The following GRID2 variants were observed in gnomAD, a reference collection of about 807,000 sequenced individuals.
GRID2 encodes glutamate ionotropic receptor delta type subunit 2, also known as glutamate receptor ionotropic, delta-2.
GRID2 carries 33 observed loss-of-function variants against 114.8 expected under a neutral mutation model. The ratio of observed to expected loss-of-function variants is 0.29; its 90% CI spans 0.22 to 0.38. The LOEUF is 0.38. Among genes scored for constraint, GRID2 ranks in the 10% least tolerant of loss-of-function variants. GRID2 has a pLI of 1.00. For missense variants in GRID2, 1,184 were observed against 1,257.7 expected (o/e 0.94, Z 0.89); for synonymous variants, 505 against 449.9 (o/e 1.12, Z -1.55).
At chr4:92,712,956 G>A (rs145171440) in intron 2 of GRID2, among the ~76,000 whole-genome samples, 1 of 151,398 alleles carries the variant, frequency 6.6e-6, no homozygotes, top group African/African-American at 2.4e-5. Context: ...AATTATTGAT[G>A]ATATTTTGGA....
chr4:92,705,709 A>G (rs925162293), intron 2 of GRID2, among the ~76,000 whole-genome samples: 2 of 152,158 alleles, frequency 1.3e-5, no homozygotes, highest in African/African-American at 2.4e-5. Flanking sequence ...TACATTTTCA[A>G]TCAGCTTATT....
At position 93,110,873 on chromosome 4, in the gene GRID2, G is replaced by T; in HGVS notation, c.655G>T (p.Glu219Ter). The change falls in exon 4 of 16, where the codon GAA becomes TAA. Residue 219 changes from glutamate (E) to a stop codon, truncating the protein, a stop_gained. Transcript: ENST00000282020. LOFTEE classifies it high-confidence loss of function. ...TCTCTTTGACACCATGAGAATAGAA[G>T]AACTGAATCGCTATCGAGACACTCT... is the stretch of plus-strand genomic sequence containing the variant. The part of the protein sequence containing the change: ...TTLFDTMRIE[E>*]LNRYRDTLRR... 6.2e-7 allele frequency: 1 copy of T among 1,612,334 alleles called. No individual in the cohort carries two copies. The highest frequency in any genetic ancestry group is 8.5e-7 in the Non-Finnish European group (1 of 1,178,356).
In GRID2 at chr4:92,670,665, A is replaced by AT. The variant is rs1733014774; in HGVS notation, c.244+80380dup. On this transcript the variant is annotated intron_variant, in intron 2 of 15. Transcript: ENST00000282020. ...TAAATGTTAAAACTACTAATTTAAT[A>AT]TGTAACATATGTAGAGCTACAAGGT... 2.6e-5 allele frequency among the ~76,000 whole-genome samples: 4 copies of AT among 152,250 alleles called. No individual in the cohort carries two copies. In the South Asian group the frequency reaches 8.3e-4, roughly 32 times the overall value.
At chr4:92,325,037 G>A (rs1034447699) in intron 1 of GRID2, among the ~76,000 whole-genome samples, 15 of 151,776 alleles carry the variant, frequency 9.9e-5, no homozygotes, top group African/African-American at 3.4e-4. Context: ...ATGCACAACT[G>A]AGCATGCTGT....
chr4:93,006,488 A>T (rs1325450711), intron 2 of GRID2, among the ~76,000 whole-genome samples: 1 of 152,046 alleles, frequency 6.6e-6, no homozygotes, highest in African/African-American at 2.4e-5. Flanking sequence ...CAGTCTTGGG[A>T]AGATATGGTT....
intron 14 of GRID2, among the ~76,000 whole-genome samples, chr4:93,723,104 G>T (rs1729534440): frequency 6.6e-6 from 1 of 152,150 alleles, no homozygotes; most frequent in South Asian, 2.1e-4. Context: ...ATTATTCAAA[G>T]ACCAAGCCAT....
chr4:92,775,391 C>T (rs145054490), intron 2 of GRID2, among the ~76,000 whole-genome samples: 2 of 152,142 alleles, frequency 1.3e-5, no homozygotes, highest in Admixed American at 6.5e-5. Context: ...GAAAAACCAT[C>T]AAGTGCAAGT....
At chr4:92,308,655 A>G (rs1368633061) in intron 1 of GRID2, among the ~76,000 whole-genome samples, 4 of 152,150 alleles carry the variant, frequency 2.6e-5, no homozygotes, top group African/African-American at 7.2e-5. Flanking sequence ...GTAAAATACC[A>G]GTTATTCTTA....
chr4:92,765,585 G>T (rs1442054659), intron 2 of GRID2, among the ~76,000 whole-genome samples: 1 of 152,070 alleles, frequency 6.6e-6, no homozygotes, highest in African/African-American at 2.4e-5. Context: ...CACTTTTTAG[G>T]TAGAGGTTTA....
In GRID2 at chr4:92,964,676, G is replaced by T. The variant is rs140481829; in HGVS notation, c.245-120319G>T. Among the ~76,000 whole-genome samples the T allele has an allele frequency of 1.1e-4, 16 of 152,132 alleles. 1 individual carries two copies. In the East Asian group the frequency reaches 3.1e-3, roughly 29 times the overall value. On this transcript the variant is annotated intron_variant, in intron 2 of 15. Coordinates refer to ENST00000282020, the MANE Select transcript of GRID2 (RefSeq NM_001510.4). ...TCCTCTTGTACTTTTACATTATGGA[G>T]AAGACTTTTCTCCTTAAGCCTCATG...
At chr4:93,282,172 T>C (rs1247411967) in intron 8 of GRID2, among the ~76,000 whole-genome samples, 1 of 151,974 alleles carries the variant, frequency 6.6e-6, no homozygotes, top group Non-Finnish European at 1.5e-5. Context: ...TTTAAACCAA[T>C]CTATAAGGGA....
intron 1 of GRID2, among the ~76,000 whole-genome samples, chr4:93,804,486 C>G (rs1413349335): frequency 6.6e-6 from 1 of 152,102 alleles, no homozygotes; most frequent in Non-Finnish European, 1.5e-5. Flanking sequence ...ATTTGCATAT[C>G]TACACATGTC....
chr4:92,811,151 T>C (rs1250070036), intron 2 of GRID2, among the ~76,000 whole-genome samples: 5 of 152,150 alleles, frequency 3.3e-5, no homozygotes, highest in Non-Finnish European at 7.4e-5. Flanking sequence ...AGGTACTTAA[T>C]CCAAAAATAT....
At chr4:93,228,653 A>T (rs1019807508) in intron 7 of GRID2, among the ~76,000 whole-genome samples, 4 of 152,200 alleles carry the variant, frequency 2.6e-5, no homozygotes, top group Non-Finnish European at 5.9e-5. Flanking sequence ...GTGTTGCCAA[A>T]ATCTTCCAGC....
At chr4:93,284,576 A>G (rs1348884202) in intron 8 of GRID2, among the ~76,000 whole-genome samples, 1 of 151,798 alleles carries the variant, frequency 6.6e-6, no homozygotes, top group Non-Finnish European at 1.5e-5. Flanking sequence ...CAATTATGTG[A>G]CTACAACAGA....
intron 11 of GRID2, among the ~76,000 whole-genome samples, chr4:93,486,597 T>C (rs1726430169): frequency 6.6e-6 from 1 of 151,882 alleles, no homozygotes; most frequent in Non-Finnish European, 1.5e-5. Flanking sequence ...TCTGTACCTT[T>C]TCTTCATCTG....
chr4:93,805,552 T>A (rs1735012457), intron 1 of GRID2, among the ~76,000 whole-genome samples: 1 of 152,334 alleles, frequency 6.6e-6, no homozygotes, highest in South Asian at 2.1e-4. Flanking sequence ...AAACACTCAG[T>A]CTTCTCTAAA....
intron 2 of GRID2, among the ~76,000 whole-genome samples, chr4:92,719,725 C>T (rs1735720969): frequency 6.6e-6 from 1 of 151,580 alleles, no homozygotes; most frequent in Non-Finnish European, 1.5e-5. Context: ...ATGAGAACTA[C>T]AGGGGGGAGA....
At chr4:92,882,476 T>C (rs1034349002) in intron 2 of GRID2, among the ~76,000 whole-genome samples, 1 of 152,210 alleles carries the variant, frequency 6.6e-6, no homozygotes, top group Non-Finnish European at 1.5e-5. Flanking sequence ...ACTGAGGCAA[T>C]ACTGGATAGT....
Sources: gnomAD v4.1 joint callset for allele counts (sites outside exome capture counted in the v4.1 genomes callset) on GRCh38, gnomAD v4.1.1 for gene constraint, MANE v1.5 for transcripts, NCBI Gene and HGNC (gene_info 2026-07-23, HGNC 2026-07-21) for gene names.